UTY: variants seen among roughly 807,000 people sequenced by gnomAD.
UTY encodes histone demethylase UTY.
Under a neutral mutation model 32.5 loss-of-function variants are expected in UTY, and 12 were observed. The ratio of observed to expected loss-of-function variants is 0.37; its 90% CI spans 0.24 to 0.60. The LOEUF is 0.60. Among genes scored for constraint, UTY ranks in the 20% least tolerant of loss-of-function variants. UTY has a pLI of 0.69. For missense variants in UTY, 303 were observed against 299.2 expected (o/e 1.01, Z -0.09); for synonymous variants, 131 against 103.4 (o/e 1.27, Z -1.62).
chrY:13,381,353 G>A, intron 8 of UTY, among the ~76,000 whole-genome samples: 1 of 33,627 alleles, frequency 3.0e-5, no homozygotes. Flanking sequence ...ATGAAACCCC[G>A]TCTCTACTAA....
chrY:13,248,734 A>T lies in UTY; in HGVS notation c.*1122T>A. On this transcript the variant is annotated 3_prime_UTR_variant, in exon 30 of 30. Coordinates refer to ENST00000545955, the MANE Select transcript of UTY (RefSeq NM_001258249.2). The stretch of plus-strand genomic sequence containing the variant: ...TATGTTTTCTACTGTTATAAAATAC[A>T]ATTTTCCAGCAATTATTTATGGGCT... 5.1e-5 allele frequency: 2 copies of T among 39,217 alleles called. No homozygotes were observed. Among genetic ancestry groups the T allele is most frequent in the East Asian group, 8.1e-4 (2 of 2,480 alleles). The allele number at this position is 39,217 out of a possible 400,897, so 9.8% of individuals were successfully genotyped here. A position where few individuals can be genotyped will look rare whatever the true frequency, so the allele number is the denominator to read the frequency against.
chrY:13,455,675 G>A (rs969077296), intron 3 of UTY, among the ~76,000 whole-genome samples: 1 of 33,277 alleles, frequency 3.0e-5, no homozygotes, highest in African/African-American at 1.2e-4. Context: ...AAATGACCAG[G>A]TCCATCAATA....
At chrY:13,477,868 T>C (rs758970208) in intron 2 of UTY, among the ~76,000 whole-genome samples, 2 of 34,155 alleles carry the variant, frequency 5.9e-5, no homozygotes, top group East Asian at 7.4e-4. Context: ...TACTATAACA[T>C]GTTTTTCATA....
At chrY:13,299,502 G>C in intron 25 of UTY, among the ~76,000 whole-genome samples, 1 of 29,391 alleles carries the variant, frequency 3.4e-5, no homozygotes, top group African/African-American at 1.4e-4. Flanking sequence ...ATACTCGTGA[G>C]GGTGAGGCAC....
intron 4 of UTY, among the ~76,000 whole-genome samples, chrY:13,417,934 G>A: frequency 3.1e-5 from 1 of 32,667 alleles, no homozygotes; most frequent in East Asian, 7.9e-4. Context: ...TCTTTTTATA[G>A]TTTGAGTTCT....
Sources: gnomAD v4.1 joint callset for allele counts (sites outside exome capture counted in the v4.1 genomes callset) on GRCh38, gnomAD v4.1.1 for gene constraint, MANE v1.5 for transcripts, NCBI Gene and HGNC (gene_info 2026-07-23, HGNC 2026-07-21) for gene names.